CSTF3: variants seen among roughly 807,000 people sequenced by gnomAD.
The protein encoded by CSTF3 is cleavage stimulation factor subunit 3.
In CSTF3, 29 loss-of-function variants were observed where a neutral mutation model predicts 105.8. That is an observed-to-expected ratio of 0.27 (90% CI 0.20 to 0.37). The LOEUF is 0.37. Ranked by LOEUF, CSTF3 falls within the 10% of genes least tolerant of loss-of-function variation. The pLI is 1.00. For synonymous variants in CSTF3, 252 were observed against 281.9 expected (o/e 0.89, Z 1.06); for missense variants, 357 against 879.3 (o/e 0.41, Z 7.51).
chr11:33,119,937 C>G (rs1855469878), intron 3 of CSTF3, among the ~76,000 whole-genome samples: 2 of 151,662 alleles, frequency 1.3e-5, no homozygotes, highest in Admixed American at 1.3e-4. Flanking sequence ...CCCTGTTTCT[C>G]TATTCTTGAA....
At chr11:33,138,158 AC>A (rs2133796771) in intron 3 of CSTF3, among the ~76,000 whole-genome samples, 1 of 151,954 alleles carries the variant, frequency 6.6e-6, no homozygotes, top group South Asian at 2.1e-4. Flanking sequence ...GCTTTCACAG[AC>A]AGCAAGATAC....
chr11:33,160,082 TC>T (rs892733695), intron 1 of CSTF3, among the ~76,000 whole-genome samples: 1 of 151,808 alleles, frequency 6.6e-6, no homozygotes, highest in Non-Finnish European at 1.5e-5. Flanking sequence ...AGTTCATTAG[TC>T]CTTCACTTTC....
chr11:33,133,405 G>T (rs965324449), intron 3 of CSTF3, among the ~76,000 whole-genome samples: 10 of 152,250 alleles, frequency 6.6e-5, no homozygotes, highest in African/African-American at 2.2e-4. Context: ...GGACAAGCTG[G>T]TCAACACCTG....
intron 3 of CSTF3, among the ~76,000 whole-genome samples, chr11:33,126,227 A>AG (rs1180972856): frequency 2.0e-5 from 3 of 152,140 alleles, no homozygotes; most frequent in Non-Finnish European, 4.4e-5. Context: ...TGGGAGGCTG[A>AG]GGCGGGAGGA....
intron 1 of CSTF3, among the ~76,000 whole-genome samples, chr11:33,147,345 C>CCAT (rs1272634042): frequency 6.6e-6 from 1 of 151,678 alleles, no homozygotes; most frequent in Non-Finnish European, 1.5e-5. Context: ...ACCTGTAATC[C>CCAT]CAGCACTTTG....
chr11:33,141,300 C>T (rs1391335811), intron 3 of CSTF3: 4 of 278,934 alleles, frequency 1.4e-5, no homozygotes, highest in African/African-American at 8.9e-5. Context: ...GTTAACATTT[C>T]TGTATTTTCA....
At position 33,090,522 on chromosome 11, in the gene CSTF3, A is replaced by C; in HGVS notation, c.1641+10T>G. Reference sequence around the variant, plus strand: ...TGAGGACACTCCACATCTTGATCCTAAGTACATACCTTATAACCAAGTGCT... The same window carrying C: ...TGAGGACACTCCACATCTTGATCCTCAGTACATACCTTATAACCAAGTGCT... On this transcript the variant is annotated intron_variant, in intron 17 of 20. Coordinates refer to ENST00000323959, the MANE Select transcript of CSTF3 (RefSeq NM_001326.3). 1.3e-6 allele frequency: 2 copies of C among 1,496,950 alleles called. No individual in the cohort carries two copies. The highest frequency in any genetic ancestry group is 1.8e-6 in the Non-Finnish European group (2 of 1,122,030). 92.7% of individuals were successfully genotyped at this position (1,496,950 alleles called of 1,614,324 possible). A position where few individuals can be genotyped will look rare whatever the true frequency, so the allele number is the denominator to read the frequency against.
chr11:33,135,229 C>A (rs1045030876), intron 3 of CSTF3, among the ~76,000 whole-genome samples: 1 of 152,046 alleles, frequency 6.6e-6, no homozygotes, highest in African/African-American at 2.4e-5. Flanking sequence ...TAACCCTGAC[C>A]CTGACTGTGA....
chr11:33,111,150 A>G (rs1590269731), intron 3 of CSTF3, among the ~76,000 whole-genome samples: 1 of 152,170 alleles, frequency 6.6e-6, no homozygotes, highest in East Asian at 1.9e-4. Context: ...GAATCACTTG[A>G]ACCCGGGAGG....
chr11:33,141,640 T>A, intron 3 of CSTF3, 27 bp downstream of exon 3: 1 of 1,594,506 alleles, frequency 6.3e-7, no homozygotes, highest in Admixed American at 1.7e-5. Context: ...AATACTGATA[T>A]AAGAAAAAAT....
chr11:33,142,111 T>G, intron 1 of CSTF3, 125 bp from the exon 2 acceptor site: 1 of 1,466,708 alleles, frequency 6.8e-7, no homozygotes, highest in Non-Finnish European at 9.1e-7. Context: ...TATCCTCTTA[T>G]AAAAGAGAAG....
chr11:33,138,503 T>C (rs1404922771), intron 3 of CSTF3, among the ~76,000 whole-genome samples: 1 of 151,874 alleles, frequency 6.6e-6, no homozygotes, highest in Non-Finnish European at 1.5e-5. Flanking sequence ...GCATTCCACT[T>C]AACTCAAGTG....
intron 1 of CSTF3, chr11:33,156,638 ATT>A (rs1849869779): frequency 4.5e-6 from 2 of 447,160 alleles, no homozygotes; most frequent in African/African-American, 4.0e-5. Context: ...TTTGGCTTGT[ATT>A]TTAGGCCTTC....
At chr11:33,147,169 C>A (rs1855794528) in intron 1 of CSTF3, among the ~76,000 whole-genome samples, 1 of 151,362 alleles carries the variant, frequency 6.6e-6, no homozygotes, top group Non-Finnish European at 1.5e-5. Context: ...TGGTGGCAGG[C>A]ACCTGCAGTC....
intron 1 of CSTF3, among the ~76,000 whole-genome samples, chr11:33,144,561 TA>T (rs1287471915): frequency 1.3e-5 from 2 of 152,246 alleles, no homozygotes; most frequent in Non-Finnish European, 2.9e-5. Context: ...TCTGTTAGAA[TA>T]ACTGTGAAGT....
At chr11:33,141,794 A>G (rs1855714962) in intron 2 of CSTF3, 32 bp from the exon 3 acceptor site, 1 of 1,581,026 alleles carries the variant, frequency 6.3e-7, no homozygotes, top group East Asian at 2.2e-5. Context: ...CAGCATTTAC[A>G]ATGTTAGGAT....
At chr11:33,122,822 G>T (rs962234155) in intron 3 of CSTF3, among the ~76,000 whole-genome samples, 1 of 150,962 alleles carries the variant, frequency 6.6e-6, no homozygotes, top group African/African-American at 2.4e-5. Flanking sequence ...GGGCTGAAGT[G>T]GGGGGATTGC....
chr11:33,108,547 C>A (rs1333031795), intron 3 of CSTF3, 129 bp from the exon 4 acceptor site: 6 of 602,440 alleles, frequency 1.0e-5, no homozygotes, highest in South Asian at 1.1e-4. Flanking sequence ...CTGTTACTTT[C>A]AAAAATAACA....
At chr11:33,122,396 A>G (rs923386020) in intron 3 of CSTF3, among the ~76,000 whole-genome samples, 2 of 152,320 alleles carry the variant, frequency 1.3e-5, no homozygotes, top group South Asian at 2.1e-4. Context: ...ATTTTTCTTC[A>G]TAACTATTTC....
Sources: allele counts gnomAD v4.1 joint callset (sites outside exome capture counted in the v4.1 genomes callset), GRCh38; gene constraint gnomAD v4.1.1; transcripts MANE v1.5; gene names NCBI Gene and HGNC (gene_info 2026-07-23, HGNC 2026-07-21).